Variants in FMNL2 observed in about 807,000 individuals in gnomAD.
The protein encoded by FMNL2 is formin like 2.
FMNL2 carries 51 observed loss-of-function variants against 130.2 expected under a neutral mutation model. That is an observed-to-expected ratio of 0.39 (90% CI 0.31 to 0.49). The LOEUF (loss-of-function observed/expected upper bound fraction) is 0.49, where lower values mean the gene tolerates loss of function less well. FMNL2 is among the 20% of genes least tolerant of loss of function. The pLI is 0.85. For missense variants in FMNL2, 977 were observed against 1,316.2 expected, an observed-to-expected ratio of 0.74 and a Z score of 3.99; for synonymous variants, 465 against 467.1, an observed-to-expected ratio of 1.00 and a Z score of 0.06.
intron 9 of FMNL2, among the ~76,000 whole-genome samples, chr2:152,586,724 C>T (rs565370551): frequency 6.6e-6 from 1 of 152,230 alleles, no homozygotes; most frequent in Admixed American, 6.5e-5. Flanking sequence ...CAAGATTCTT[C>T]TTGACTGGTC....
rs768389026 is a variant in FMNL2, at chr2:152,561,011, G to A, written c.572G>A (p.Arg191His). ...TCACCTGTGGGCAACAGTGTCTCCC[G>A]CTCTGGAAGACATTCTGCACTGCGG... ...LPSPVGNSVS[R>H]SGRHSALRYN... is the part of the protein sequence containing the mutation. Residue 191 changes from arginine to histidine, a missense_variant, in exon 6 of 26, where the codon CGC (arginine) becomes CAC (histidine). Around this residue, in one of 4 missense-constraint regions of FMNL2, gnomAD observed 689 missense variants for 995.9 expected, o/e 0.69. Transcript: ENST00000288670. 1.0e-5 allele frequency: 16 copies of A among 1,601,182 alleles called. No individual in the cohort carries two copies. Among genetic ancestry groups the A allele is most frequent in the Middle Eastern group, 1.6e-4 (1 of 6,072 alleles).
intron 3 of FMNL2, among the ~76,000 whole-genome samples, chr2:152,545,269 G>A (rs1694557789): frequency 6.6e-6 from 1 of 152,096 alleles, no homozygotes; most frequent in African/African-American, 2.4e-5. Flanking sequence ...TATTATGGTG[G>A]GGGAGAAAAA....
At chr2:152,627,089 G>C (rs192956352) in intron 17 of FMNL2, among the ~76,000 whole-genome samples, 1 of 152,240 alleles carries the variant, frequency 6.6e-6, no homozygotes. Flanking sequence ...GAGCGTGGCA[G>C]ATGTTAAGAA....
intron 1 of FMNL2, among the ~76,000 whole-genome samples, chr2:152,476,722 A>C (rs1364020621): frequency 2.6e-5 from 4 of 151,702 alleles, no homozygotes; most frequent in African/African-American, 2.4e-5. Flanking sequence ...TGTAGATGAG[A>C]GATAGTTTGG....
intron 4 of FMNL2, among the ~76,000 whole-genome samples, chr2:152,554,818 T>C (rs1051229841): frequency 6.6e-6 from 1 of 152,174 alleles, no homozygotes; most frequent in African/African-American, 2.4e-5. Context: ...TACAAGTAAA[T>C]TGACATTCCA....
chr2:152,538,014 A>C (rs2678299), intron 2 of FMNL2, among the ~76,000 whole-genome samples: 1 of 152,030 alleles, frequency 6.6e-6, no homozygotes, highest in Non-Finnish European at 1.5e-5. Flanking sequence ...GTGAGCTAAG[A>C]GGTCTAAAGA....
At chr2:152,375,389 G>A (rs1684096903) in intron 1 of FMNL2, among the ~76,000 whole-genome samples, 3 of 152,202 alleles carry the variant, frequency 2.0e-5, no homozygotes, top group Admixed American at 6.5e-5. Context: ...TGCCTGGTAG[G>A]TTATGAGGAT....
chr2:152,599,405 C>CTTT (rs35753197), intron 9 of FMNL2, among the ~76,000 whole-genome samples: 4,588 of 45,092 alleles, frequency 0.1, 1,292 homozygotes, highest in East Asian at 0.23. Flanking sequence ...TGAAGGTCAT[C>CTTT]TTTTTTTTTT....
At chr2:152,622,823 TTTTTC>T (rs1438912021) in intron 15 of FMNL2, among the ~76,000 whole-genome samples, 58 of 151,342 alleles carry the variant, frequency 3.8e-4, no homozygotes, top group African/African-American at 1.4e-3. Flanking sequence ...TTTTTTTTTT[TTTTTC>T]TTCTTCTTCT....
At position 152,542,280 on chromosome 2, in the gene FMNL2, TTTG is replaced by T. The variant is rs1245766295; in HGVS notation, c.202-456_202-454del. 3.3e-5 allele frequency among the ~76,000 whole-genome samples: 5 copies of T among 152,240 alleles called. No individual in the cohort carries two copies. In the South Asian group the frequency reaches 6.2e-4, roughly 19 times the overall value. On this transcript the variant is annotated intron_variant, in intron 2 of 25. Transcript: ENST00000288670. ...AGCTTTATCAGTTTGAGTCAAATCT[TTTG>T]TTATTTTCAAAGATAAAATAAATAT...
chr2:152,609,633 G>T (rs1698572906), intron 10 of FMNL2, among the ~76,000 whole-genome samples: 1 of 151,972 alleles, frequency 6.6e-6, no homozygotes, highest in Non-Finnish European at 1.5e-5. Context: ...AACCCGAGAT[G>T]ATTTTTATTT....
chr2:152,358,401 G>A (rs1682964533), intron 1 of FMNL2, among the ~76,000 whole-genome samples: 1 of 152,108 alleles, frequency 6.6e-6, no homozygotes, highest in South Asian at 2.1e-4. Context: ...TGTAATCCCA[G>A]CACTTTGGGA....
intron 8 of FMNL2, 150 bp from the exon 9 acceptor site, chr2:152,580,806 A>C: frequency 1.5e-6 from 1 of 682,538 alleles, no homozygotes; most frequent in South Asian, 1.9e-5. Flanking sequence ...TAAAGGTTTA[A>C]AAATGTACTT....
At chr2:152,532,664 G>T (rs1462208227) in intron 2 of FMNL2, among the ~76,000 whole-genome samples, 2 of 149,330 alleles carry the variant, frequency 1.3e-5, no homozygotes, top group African/African-American at 2.5e-5. Flanking sequence ...CTGGAGTGGA[G>T]TGGCATGATC....
At chr2:152,358,670 TCATGTATA>T (rs141150808) in intron 1 of FMNL2, among the ~76,000 whole-genome samples, 8,795 of 151,980 alleles carry the variant, frequency 0.058, 789 homozygotes, top group African/African-American at 0.19. Flanking sequence ...TAAACTTCCT[TCATGTATA>T]CATATATCCT....
chr2:152,393,216 A>C (rs1038808017), intron 1 of FMNL2, among the ~76,000 whole-genome samples: 1 of 152,186 alleles, frequency 6.6e-6, no homozygotes, highest in Non-Finnish European at 1.5e-5. Context: ...CAACACTTTA[A>C]TATGAGGAAA....
chr2:152,342,628 G>A (rs1375691002), intron 1 of FMNL2, among the ~76,000 whole-genome samples: 1 of 152,154 alleles, frequency 6.6e-6, no homozygotes, highest in Non-Finnish European at 1.5e-5. Context: ...TCATACTGCA[G>A]GGTGATCTTC....
chr2:152,366,283 T>C (rs1269030857), intron 1 of FMNL2, among the ~76,000 whole-genome samples: 3 of 93,720 alleles, frequency 3.2e-5, no homozygotes, highest in African/African-American at 1.4e-4. Flanking sequence ...CACCGGGGAC[T>C]GTTGTGGGGT....
chr2:152,518,246 T>A lies in FMNL2; in HGVS notation c.118-3697T>A, dbSNP rs141567972. Among the ~76,000 whole-genome samples, 8 of 152,306 alleles carry A rather than the reference T, an allele frequency of 5.3e-5. No individual in the cohort carries two copies. The East Asian group carries it at 1.5e-3, about 29-fold the overall frequency. ...GTGTCTGATTTTAAATAGAACTGCT[T>A]CCTCATGGTCCTTATGGAATTATTA... On this transcript the variant is annotated intron_variant, in intron 1 of 25. Coordinates refer to ENST00000288670, the MANE Select transcript of FMNL2 (RefSeq NM_052905.4).
Sources: allele counts gnomAD v4.1 joint callset (sites outside exome capture counted in the v4.1 genomes callset), GRCh38; gene constraint gnomAD v4.1.1; regional missense constraint gnomAD v4.1.1; transcripts MANE v1.5; gene names NCBI Gene and HGNC (gene_info 2026-07-23, HGNC 2026-07-21).